DAB1: variants seen among roughly 807,000 people sequenced by gnomAD.
DAB1 encodes DAB adaptor protein 1, also known as disabled homolog 1.
In DAB1, 15 loss-of-function variants were observed where a neutral mutation model predicts 64.6. The observed-to-expected ratio is 0.23, with a 90% CI of 0.16 to 0.36. The LOEUF (loss-of-function observed/expected upper bound fraction) is 0.36, where lower values mean the gene tolerates loss of function less well. Among genes scored for constraint, DAB1 ranks in the 10% least tolerant of loss-of-function variants. The pLI is 1.00. For missense variants in DAB1, 596 were observed against 706.7 expected (o/e 0.84, Z 1.78); for synonymous variants, 235 against 251.9 (o/e 0.93, Z 0.64).
intron 1 of DAB1, among the ~76,000 whole-genome samples, chr1:57,855,579 T>C (rs192400764): frequency 2.0e-5 from 3 of 151,970 alleles, no homozygotes; most frequent in East Asian, 3.9e-4. Flanking sequence ...TGAAATGAAA[T>C]GAAGGGTGGG....
chr1:57,530,840 GA>G (rs2101414744), intron 7 of DAB1, among the ~76,000 whole-genome samples: 1 of 152,200 alleles, frequency 6.6e-6, no homozygotes, highest in East Asian at 1.9e-4. Context: ...AAAAAGCATG[GA>G]ATAATACCAC....
chr1:57,137,462 A>C (rs896440917), intron 3 of DAB1, among the ~76,000 whole-genome samples: 1 of 152,172 alleles, frequency 6.6e-6, no homozygotes, highest in African/African-American at 2.4e-5. Flanking sequence ...GATATGATTC[A>C]AGTTAAGAGT....
At chr1:57,789,115 C>T (rs1650470683) in intron 6 of DAB1, among the ~76,000 whole-genome samples, 1 of 152,120 alleles carries the variant, frequency 6.6e-6, no homozygotes, top group Non-Finnish European at 1.5e-5. Flanking sequence ...GCCTTTCTTT[C>T]ACCTCCCTGA....
chr1:57,970,350 C>A (rs888681075), intron 5 of DAB1, among the ~76,000 whole-genome samples: 3 of 152,150 alleles, frequency 2.0e-5, no homozygotes, highest in African/African-American at 7.2e-5. Flanking sequence ...ACTACAGCCA[C>A]CAACATTTTC....
chr1:58,190,765 C>T (rs1557688751), intron 4 of DAB1, among the ~76,000 whole-genome samples: 1 of 152,210 alleles, frequency 6.6e-6, no homozygotes, highest in East Asian at 1.9e-4. Context: ...TTTGGAAATG[C>T]TATAAATAGC....
chr1:57,371,584 A>T (rs1478703796), intron 1 of DAB1, among the ~76,000 whole-genome samples: 1 of 152,168 alleles, frequency 6.6e-6, no homozygotes, highest in African/African-American at 2.4e-5. Context: ...GGGCTCTATG[A>T]CTTGCCTGGC....
intron 1 of DAB1, among the ~76,000 whole-genome samples, chr1:57,361,834 C>CA (rs1425449328): frequency 6.6e-6 from 1 of 151,954 alleles, no homozygotes; most frequent in Non-Finnish European, 1.5e-5. Flanking sequence ...ACTACCACAG[C>CA]AAAAATCACC....
At chr1:58,199,021 C>T (rs1426576248) in intron 4 of DAB1, among the ~76,000 whole-genome samples, 4 of 152,266 alleles carry the variant, frequency 2.6e-5, no homozygotes, top group African/African-American at 2.4e-5. Context: ...GCAGAAGAAT[C>T]GCTTAAACCT....
At chr1:58,048,418 A>G (rs17131774) in intron 5 of DAB1, 251,745 of 949,232 alleles carry the variant, frequency 0.27, 35,363 homozygotes, top group African/African-American at 0.39. Context: ...CTCCACCTCT[A>G]TTGTTATAGC....
At chr1:58,168,979 G>A (rs1199790623) in intron 4 of DAB1, among the ~76,000 whole-genome samples, 1 of 152,174 alleles carries the variant, frequency 6.6e-6, no homozygotes, top group Non-Finnish European at 1.5e-5. Flanking sequence ...TTTCGAGAAT[G>A]CATTGGTAAG....
At chr1:57,329,193 C>T (rs1334420617) in intron 1 of DAB1, among the ~76,000 whole-genome samples, 2 of 152,168 alleles carry the variant, frequency 1.3e-5, no homozygotes, top group Non-Finnish European at 2.9e-5. Context: ...TTTGGCTTAG[C>T]AGGCCAATTA....
intron 3 of DAB1, among the ~76,000 whole-genome samples, chr1:58,448,263 G>A (rs1296287575): frequency 6.6e-6 from 1 of 152,066 alleles, no homozygotes; most frequent in Admixed American, 6.5e-5. Context: ...TAACCCACTG[G>A]GGGCTTCAAC....
intron 6 of DAB1, among the ~76,000 whole-genome samples, chr1:57,743,701 C>T (rs546133677): frequency 5.3e-5 from 8 of 152,262 alleles, no homozygotes; most frequent in African/African-American, 1.9e-4. Context: ...GTCCAGGAGA[C>T]CCTAACCCAG....
In DAB1 at chr1:58,055,981, G is replaced by A. The variant is rs140833822; in HGVS notation, n.387+94530C>T. Among the ~76,000 whole-genome samples the A allele has an allele frequency of 6.1e-3, 925 of 150,776 alleles. 11 individuals are homozygous for A. Among genetic ancestry groups the A allele is most frequent in the African/African-American group, 0.021 (881 of 41,090 alleles). On this transcript the variant is annotated intron_variant and non_coding_transcript_variant, in intron 5 of 20. Transcript: ENST00000485760. ...TCAAACTCCTGGGCTCAAGAAATCC[G>A]CCTGCCTCGGCCTCACACAGTGCTA...
At chr1:57,234,510 C>T (rs1043505357) in intron 2 of DAB1, among the ~76,000 whole-genome samples, 5 of 151,982 alleles carry the variant, frequency 3.3e-5, no homozygotes, top group African/African-American at 1.2e-4. Context: ...CATAAAATAA[C>T]CCTATCAGGT....
At chr1:58,392,517 C>G (rs942707003) in intron 3 of DAB1, among the ~76,000 whole-genome samples, 1 of 152,174 alleles carries the variant, frequency 6.6e-6, no homozygotes, top group African/African-American at 2.4e-5. Flanking sequence ...CTTTTCTGTC[C>G]TTTCAACCAT....
At chr1:57,373,765 G>T (rs186127389) in intron 1 of DAB1, among the ~76,000 whole-genome samples, 148 of 152,260 alleles carry the variant, frequency 9.7e-4, no homozygotes, top group African/African-American at 3.2e-3. Flanking sequence ...TCGCGCCACG[G>T]GTATAGGCAT....
At chr1:57,170,608 G>T (rs1661655582) in intron 2 of DAB1, among the ~76,000 whole-genome samples, 1 of 152,152 alleles carries the variant, frequency 6.6e-6, no homozygotes, top group Non-Finnish European at 1.5e-5. Flanking sequence ...AGGTTTCCCA[G>T]CTAGAAGCTT....
chr1:57,525,536 A>G (rs1206799126), intron 7 of DAB1, among the ~76,000 whole-genome samples: 1 of 152,216 alleles, frequency 6.6e-6, no homozygotes, highest in Non-Finnish European at 1.5e-5. Context: ...GCTCTAAGGT[A>G]AATCACAGTT....
Sources: allele counts gnomAD v4.1 joint callset (sites outside exome capture counted in the v4.1 genomes callset), GRCh38; gene constraint gnomAD v4.1.1; transcripts MANE v1.5; gene names NCBI Gene and HGNC (gene_info 2026-07-23, HGNC 2026-07-21).